Variants in UBR3 observed in about 807,000 individuals in gnomAD.
The protein encoded by UBR3 is ubiquitin protein ligase E3 component n-recognin 3, also known as E3 ubiquitin-protein ligase UBR3.
A neutral mutation model predicts 243.2 loss-of-function variants in UBR3; 85 were observed. The ratio of observed to expected loss-of-function variants is 0.35; its 90% CI spans 0.29 to 0.42. UBR3 has a LOEUF of 0.42. UBR3 is among the 10% of genes least tolerant of loss of function. UBR3 has a pLI of 1.00. For synonymous variants in UBR3, 748 were observed against 799.8 expected (o/e 0.94, Z 1.09); for missense variants, 1,686 against 2,300.8 (o/e 0.73, Z 5.47).
intron 24 of UBR3, among the ~76,000 whole-genome samples, chr2:169,961,460 G>A (rs553041961): frequency 6.6e-6 from 1 of 152,138 alleles, no homozygotes; most frequent in African/African-American, 2.4e-5. Flanking sequence ...TGGGACTATA[G>A]GCATGCACTG....
intron 1 of UBR3, among the ~76,000 whole-genome samples, chr2:169,853,350 A>G (rs1262440223): frequency 2.0e-5 from 3 of 152,262 alleles, no homozygotes; most frequent in African/African-American, 7.2e-5. Context: ...TCAGGCAATT[A>G]GAAAGATGTA....
chr2:169,886,505 A>G (rs778343177), intron 5 of UBR3, among the ~76,000 whole-genome samples: 6 of 152,130 alleles, frequency 3.9e-5, no homozygotes, highest in Non-Finnish European at 5.9e-5. Context: ...AAAGATTTTT[A>G]TTTCCAGATG....
chr2:169,860,090 C>A lies in UBR3; in HGVS notation c.546-12146C>A, dbSNP rs535500246. ...TATTTCCATCATTATGCTTTCATTC[C>A]TGTCCTTTCTCTTCTTGAACAAATG... On this transcript the variant is annotated intron_variant, in intron 1 of 38. Coordinates refer to ENST00000272793, the MANE Select transcript of UBR3 (RefSeq NM_172070.4). 4.6e-5 allele frequency among the ~76,000 whole-genome samples: 7 copies of A among 152,258 alleles called. No homozygotes were observed. In the South Asian group the frequency reaches 1.5e-3, roughly 32 times the overall value.
intron 36 of UBR3, among the ~76,000 whole-genome samples, chr2:170,076,053 C>CT (rs879704464): frequency 2.6e-5 from 4 of 152,116 alleles, no homozygotes; most frequent in Non-Finnish European, 4.4e-5. Context: ...CACCAGATAA[C>CT]TAAGCCTCAA....
At chr2:170,038,017 G>C (rs2090874981) in intron 31 of UBR3, among the ~76,000 whole-genome samples, 3 of 152,086 alleles carry the variant, frequency 2.0e-5, no homozygotes, top group Admixed American at 1.3e-4. Context: ...GAAAATAGCT[G>C]TTAGCATATA....
intron 20 of UBR3, among the ~76,000 whole-genome samples, chr2:169,943,562 C>T (rs1221287363): frequency 1.3e-5 from 2 of 152,106 alleles, no homozygotes. Context: ...GATTGTGCCA[C>T]TGCACTCCAG....
rs117081835 is a variant in UBR3, at chr2:170,058,567, G to A, written c.4786-2512G>A. Among the ~76,000 whole-genome samples, 1,217 of 144,592 alleles carry A rather than the reference G, an allele frequency of 8.4e-3. 37 individuals are homozygous for A. The highest frequency in any genetic ancestry group is 0.076 in the East Asian group (377 of 4,952). The allele number at this position is 144,592 out of a possible 152,430, so 94.9% of individuals were successfully genotyped here. On this transcript the variant is annotated intron_variant, in intron 33 of 38. Transcript: ENST00000272793. ...GTCTCACTCTATCGCCCACGTTGGA[G>A]TGCAGTGGCATGATCACAGCTCACT...
intron 32 of UBR3, among the ~76,000 whole-genome samples, chr2:170,048,146 C>G (rs1201906316): frequency 6.6e-6 from 1 of 152,100 alleles, no homozygotes; most frequent in African/African-American, 2.4e-5. Context: ...GAGGTGTGAA[C>G]GATATTCTTT....
chr2:169,948,596 C>T (rs1196952714), intron 22 of UBR3, among the ~76,000 whole-genome samples: 1 of 151,992 alleles, frequency 6.6e-6, no homozygotes, highest in South Asian at 2.1e-4. Flanking sequence ...TTTGTAGGAG[C>T]TTTCTTGGTC....
chr2:170,003,164 C>G (rs2089775589), intron 27 of UBR3, among the ~76,000 whole-genome samples: 1 of 152,182 alleles, frequency 6.6e-6, no homozygotes, highest in South Asian at 2.1e-4. Flanking sequence ...TTTGTGTATG[C>G]CTTCCTCACT....
chr2:169,926,625 A>G (rs1408567946), intron 14 of UBR3, 67 bp from the exon 15 acceptor site: 2 of 1,441,254 alleles, frequency 1.4e-6, no homozygotes, highest in African/African-American at 2.9e-5. Context: ...AAAGTATAGA[A>G]AAACATGATT....
rs534261191 is a variant in UBR3 at position 169,987,398 on chromosome 2, A to C, written c.3784+604A>C. 9.1e-3 allele frequency among the ~76,000 whole-genome samples: 1,372 copies of C among 150,538 alleles called. 22 individuals carry two copies. Among genetic ancestry groups the C allele is most frequent in the African/African-American group, 0.031 (1,270 of 41,128 alleles). On this transcript the variant is annotated intron_variant, in intron 25 of 38. Transcript: ENST00000272793. The stretch of plus-strand genomic sequence containing the variant: ...ACAGAGCAAGACTCTGTCTCAAAAA[A>C]AAAAAAAAAACAAAAAAAAAACAAA...
rs537102967 is a variant in UBR3, at chr2:169,844,744, C to T, written c.545+16692C>T. 3.3e-5 allele frequency among the ~76,000 whole-genome samples: 5 copies of T among 152,240 alleles called. No homozygotes were observed. The East Asian group carries it at 5.8e-4, about 18-fold the overall frequency. ...ATTCCTGACCTCAGGTGATCTGCTA[C>T]GTCGGCCTCTCAAAGTGCTGGGATT... On this transcript the variant is annotated intron_variant, in intron 1 of 38. Coordinates refer to ENST00000272793, the MANE Select transcript of UBR3 (RefSeq NM_172070.4).
chr2:169,987,392 CA>C (rs563664122), intron 25 of UBR3, among the ~76,000 whole-genome samples: 10,339 of 65,792 alleles, frequency 0.16, 227 homozygotes, highest in African/African-American at 0.22. Flanking sequence ...GACTCTGTCT[CA>C]AAAAAAAAAA....
intron 10 of UBR3, among the ~76,000 whole-genome samples, chr2:169,907,365 C>T (rs2085057944): frequency 6.6e-6 from 1 of 151,890 alleles, no homozygotes; most frequent in African/African-American, 2.4e-5. Context: ...TCCTTTTGTG[C>T]CCTTTTTGTC....
At chr2:169,956,988 G>A (rs1278020974) in intron 23 of UBR3, among the ~76,000 whole-genome samples, 1 of 152,120 alleles carries the variant, frequency 6.6e-6, no homozygotes, top group Admixed American at 6.6e-5. Context: ...TCTGTATTAT[G>A]GGTATGACAC....
chr2:169,980,655 T>C (rs1469580402), intron 24 of UBR3, among the ~76,000 whole-genome samples: 2 of 151,926 alleles, frequency 1.3e-5, no homozygotes, highest in East Asian at 3.9e-4. Context: ...TTAGGGTACA[T>C]GTGCACAAAG....
chr2:170,075,494 A>G (rs1019317494), intron 36 of UBR3, among the ~76,000 whole-genome samples: 2 of 152,200 alleles, frequency 1.3e-5, no homozygotes, highest in African/African-American at 4.8e-5. Context: ...GAAAATAAGA[A>G]TTTTTCATTT....
At chr2:169,884,610 T>C (rs1254131730) in intron 5 of UBR3, among the ~76,000 whole-genome samples, 2 of 152,246 alleles carry the variant, frequency 1.3e-5, no homozygotes, top group Non-Finnish European at 2.9e-5. Flanking sequence ...TTGTGTATCC[T>C]GTTTTAATCT....
Sources: gnomAD v4.1 joint callset for allele counts (sites outside exome capture counted in the v4.1 genomes callset) on GRCh38, gnomAD v4.1.1 for gene constraint, MANE v1.5 for transcripts, NCBI Gene and HGNC (gene_info 2026-07-23, HGNC 2026-07-21) for gene names.